The following CHRM2 variants were observed in gnomAD, a reference collection of about 807,000 sequenced individuals.
CHRM2 encodes cholinergic receptor muscarinic 2.
A neutral mutation model predicts 25.0 loss-of-function variants in CHRM2; 8 were observed. The ratio of observed to expected loss-of-function variants is 0.32; its 90% CI spans 0.19 to 0.58. The LOEUF (loss-of-function observed/expected upper bound fraction) is 0.58. CHRM2 is among the 20% of genes least tolerant of loss of function. The pLI is 0.88. For synonymous variants in CHRM2, 202 were observed against 205.7 expected (o/e 0.98, Z 0.15); for missense variants, 440 against 567.1 (o/e 0.78, Z 2.28).
In CHRM2 at chr7:136,981,014, A is replaced by T. The variant is rs151163107; in HGVS notation, c.-124-11173A>T. ...ATAGTTTGGAATAGTTTCAGGAGGA[A>T]TGGTATCAGCTGCTGTTTGCAACTC... On this transcript the variant is annotated intron_variant, in intron 2 of 3. Transcript: ENST00000680005. 4.9e-3 allele frequency among the ~76,000 whole-genome samples: 747 copies of T among 152,264 alleles called. 10 individuals are homozygous for T. Among genetic ancestry groups the T allele is most frequent in the African/African-American group, 0.017 (695 of 41,554 alleles).
At chr7:136,973,869 T>G (rs145728485) in intron 2 of CHRM2, among the ~76,000 whole-genome samples, 1 of 152,118 alleles carries the variant, frequency 6.6e-6, no homozygotes. Flanking sequence ...TTTATCCCAC[T>G]GCAGAATAAT....
chr7:136,914,734 T>A (rs192681260), intron 2 of CHRM2, among the ~76,000 whole-genome samples: 77 of 152,030 alleles, frequency 5.1e-4, no homozygotes, highest in African/African-American at 1.9e-3. Context: ...AAAATAGGGA[T>A]GTTAATCAAA....
In CHRM2 at chr7:137,019,065, C is replaced by T. The variant is rs1805314177; in HGVS notation, c.*2799C>T. 1 of 151,840 alleles carries T rather than the reference C, an allele frequency of 6.6e-6. No homozygotes were observed. The highest frequency in any genetic ancestry group is 2.4e-5 in the African/African-American group (1 of 41,390). 9.4% of individuals were successfully genotyped at this position (151,840 alleles called of 1,614,324 possible). A position where few individuals can be genotyped will look rare whatever the true frequency, so the allele number is the denominator to read the frequency against. On this transcript the variant is annotated 3_prime_UTR_variant, in exon 4 of 4. Transcript: ENST00000680005. ...GCCTATAATGCTCAGGACATTTTCCCCCAACCCCTTTAAACAAATATTATT... is the reference window on the plus strand; with the variant it reads ...GCCTATAATGCTCAGGACATTTTCCTCCAACCCCTTTAAACAAATATTATT...
At chr7:136,951,682 T>C (rs1429590818) in intron 2 of CHRM2, among the ~76,000 whole-genome samples, 1 of 152,142 alleles carries the variant, frequency 6.6e-6, no homozygotes, top group Non-Finnish European at 1.5e-5. Flanking sequence ...CTTACACAAA[T>C]ACAATATTTC....
chr7:136,962,153 TAGAC>T (rs1489741066), intron 2 of CHRM2, among the ~76,000 whole-genome samples: 3 of 140,958 alleles, frequency 2.1e-5, no homozygotes, highest in Non-Finnish European at 3.1e-5. Flanking sequence ...TTTTTTTTTT[TAGAC>T]AGAGTCTTGC....
At chr7:137,012,454 A>T (rs1219960881) in intron 3 of CHRM2, among the ~76,000 whole-genome samples, 1 of 152,036 alleles carries the variant, frequency 6.6e-6, no homozygotes, top group African/African-American at 2.4e-5. Context: ...AAACTCTTCA[A>T]TATTTCCCAA....
intron 2 of CHRM2, among the ~76,000 whole-genome samples, chr7:136,886,856 G>C (rs1018166360): frequency 6.6e-6 from 1 of 152,136 alleles, no homozygotes; most frequent in Admixed American, 6.5e-5. Context: ...CTGAGCAACA[G>C]AGTGAGACCC....
At chr7:136,894,627 C>T (rs976133991) in intron 2 of CHRM2, among the ~76,000 whole-genome samples, 10 of 152,174 alleles carry the variant, frequency 6.6e-5, no homozygotes, top group African/African-American at 2.4e-4. Context: ...CCGCCTCGGC[C>T]TCCCAAAGTG....
chr7:136,961,738 A>G (rs1479794546), intron 2 of CHRM2, among the ~76,000 whole-genome samples: 1 of 152,142 alleles, frequency 6.6e-6, no homozygotes, highest in African/African-American at 2.4e-5. Flanking sequence ...TTATTAGAGA[A>G]AAGAGGTAGG....
chr7:136,968,797 C>T (rs924145124), intron 2 of CHRM2, among the ~76,000 whole-genome samples: 1 of 137,028 alleles, frequency 7.3e-6, no homozygotes, highest in Non-Finnish European at 1.7e-5. Flanking sequence ...TTGTCATGTG[C>T]TGCAATATGG....
intron 2 of CHRM2, among the ~76,000 whole-genome samples, chr7:136,973,874 A>C (rs1341030901): frequency 6.6e-6 from 1 of 152,114 alleles, no homozygotes; most frequent in African/African-American, 2.4e-5. Flanking sequence ...CCCACTGCAG[A>C]ATAATAAAGA....
intron 2 of CHRM2, among the ~76,000 whole-genome samples, chr7:136,989,372 T>C (rs749232445): frequency 6.6e-6 from 1 of 152,152 alleles, no homozygotes; most frequent in Non-Finnish European, 1.5e-5. Context: ...GATTAATGAC[T>C]GGAGAAGGAC....
At chr7:136,961,302 TAAGTGTTCTGGGC>T (rs1368713298) in intron 2 of CHRM2, among the ~76,000 whole-genome samples, 2 of 152,148 alleles carry the variant, frequency 1.3e-5, no homozygotes, top group African/African-American at 4.8e-5. Context: ...GCTAATAATG[TAAGTGTTCTGGGC>T]AAGTTTAAGG....
At chr7:136,936,422 TG>T (rs1220374106) in intron 2 of CHRM2, among the ~76,000 whole-genome samples, 1 of 152,192 alleles carries the variant, frequency 6.6e-6, no homozygotes, top group African/African-American at 2.4e-5. Flanking sequence ...CACATTGTAC[TG>T]TAGCTAGGTA....
chr7:137,015,069 T>C lies in CHRM2; in HGVS notation c.204T>C (p.Ala68=). 1 of 1,613,528 alleles carries C rather than the reference T, an allele frequency of 6.2e-7. No individual in the cohort carries two copies. Among genetic ancestry groups the C allele is most frequent in the Non-Finnish European group, 8.5e-7 (1 of 1,179,632 alleles). ...ACTTTTTATTCAGCTTGGCCTGTGC[T>C]GACCTTATCATAGGTGTTTTCTCCA... is the stretch of plus-strand genomic sequence containing the variant. The part of the protein sequence containing the change: ...NNYFLFSLAC[A]DLIIGVFSMN... The change falls in exon 4 of 4, where the codon GCT becomes GCC. Residue 68 remains alanine, a synonymous_variant. Transcript: ENST00000680005. The surrounding 1 kb of genome is among the most constrained non-coding windows in gnomAD (Gnocchi z 5.1).
intron 3 of CHRM2, among the ~76,000 whole-genome samples, chr7:137,003,540 G>T (rs1804215634): frequency 7.2e-6 from 1 of 139,534 alleles, no homozygotes; most frequent in Admixed American, 7.3e-5. Flanking sequence ...ACACACACTA[G>T]TTAGGTGAAT....
At position 136,957,488 on chromosome 7, in the gene CHRM2, C is replaced by T. The variant is rs1398159436; in HGVS notation, c.-124-34699C>T. The stretch of plus-strand genomic sequence containing the variant: ...TAAACCCACAAAAGATAATGACAGT[C>T]TATTTATTTGCTGTGCAATGACATC... On this transcript the variant is annotated intron_variant, in intron 2 of 3. Transcript: ENST00000680005. Among the ~76,000 whole-genome samples, 4 of 152,190 alleles carry T rather than the reference C, an allele frequency of 2.6e-5. No homozygotes were observed. In the East Asian group the frequency reaches 7.7e-4, roughly 29 times the overall value.
intron 2 of CHRM2, among the ~76,000 whole-genome samples, chr7:136,952,597 G>T (rs1800480831): frequency 6.6e-6 from 1 of 151,846 alleles, no homozygotes; most frequent in Middle Eastern, 3.2e-3. Context: ...TTAAGTTCAG[G>T]GGTACATGTG....
chr7:137,005,776 C>G (rs1804384235), intron 3 of CHRM2, among the ~76,000 whole-genome samples: 1 of 152,126 alleles, frequency 6.6e-6, no homozygotes, highest in Non-Finnish European at 1.5e-5. Context: ...CCTCAATTCT[C>G]TGCAAATTTG....
Sources: allele counts gnomAD v4.1 joint callset (sites outside exome capture counted in the v4.1 genomes callset), GRCh38; gene constraint gnomAD v4.1.1; non-coding constraint Gnocchi (gnomAD v3.1); transcripts MANE v1.5; gene names NCBI Gene and HGNC (gene_info 2026-07-23, HGNC 2026-07-21).